Variants in ABCA9 observed in about 807,000 individuals in gnomAD.
ABCA9 encodes ATP-binding cassette sub-family A member 9.
In ABCA9, 183 loss-of-function variants were observed where a neutral mutation model predicts 205.3. The ratio of observed to expected loss-of-function variants is 0.89; its 90% confidence interval spans 0.79 to 1.01. The LOEUF is 1.01. Ranked by LOEUF, ABCA9 falls within the 50% of genes least tolerant of loss-of-function variation. The pLI, the probability that ABCA9 is intolerant of heterozygous loss-of-function variation, is 0.00. For missense variants in ABCA9, 1,805 were observed against 1,912.4 expected, an observed-to-expected ratio of 0.94 and a Z score of 1.05; for synonymous variants, 651 against 683.3, an observed-to-expected ratio of 0.95 and a Z score of 0.74.
rs747927319 is a variant in ABCA9 at position 69,032,296 on chromosome 17, T to C, written c.1277-20A>G. 1.7e-5 allele frequency: 27 copies of C among 1,608,316 alleles called. No homozygotes were observed. The highest frequency in any genetic ancestry group is 2.2e-5 in the South Asian group (2 of 89,822). The stretch of plus-strand genomic sequence containing the variant: ...ATTCAGCTATGTGAGCAGGAGGCAA[T>C]TGAATACTGGGTCAGTCATCGCTTC... On this transcript the variant is annotated intron_variant, in intron 9 of 38. Coordinates refer to ENST00000340001, the MANE Select transcript of ABCA9 (RefSeq NM_080283.4).
upstream of ABCA9, among the ~76,000 whole-genome samples, chr17:69,061,437 C>T (rs912017657): frequency 2.0e-5 from 3 of 152,146 alleles, no homozygotes; most frequent in African/African-American, 4.8e-5. Flanking sequence ...TCCAGAAATA[C>T]GGCAATAAAG....
Position 69,007,768 on chromosome 17 carries a change from G to T in ABCA9, c.3426C>A (p.Phe1142Leu), listed in dbSNP as rs749758994. The T allele has an allele frequency of 5.7e-6, 9 of 1,582,118 alleles. No individual in the cohort carries two copies. The highest frequency in any genetic ancestry group is 6.9e-6 in the Non-Finnish European group (8 of 1,152,218). Residue 1142 changes from phenylalanine (F) to leucine (L), a missense_variant, in exon 25 of 39, where the codon TTC (phenylalanine) becomes TTA (leucine). Phe to Leu is a conservative substitution (Grantham distance 22, BLOSUM62 0). Transcript: ENST00000340001. Reference sequence around the variant, plus strand: ...GTATATGCATACTCACAATTAAGAAGAAAAATGACCAAATGCCACTATTTT... The same window carrying T: ...GTATATGCATACTCACAATTAAGAATAAAAATGACCAAATGCCACTATTTT... ...GRKNSGIWSF[F>L]FLIVVIFSIV...
Position 69,026,976 on chromosome 17 carries a change from C to T in ABCA9, c.2050G>A (p.Asp684Asn), listed in dbSNP as rs1347619345. 4 of 1,613,654 alleles carry T rather than the reference C, an allele frequency of 2.5e-6. No homozygotes were observed. Among genetic ancestry groups the T allele is most frequent in the Non-Finnish European group, 3.4e-6 (4 of 1,179,828 alleles). Residue 684 changes from aspartate to asparagine, a missense_variant and splice_region_variant, in exon 15 of 39, where the codon GAC becomes AAC. Coordinates refer to ENST00000340001, the MANE Select transcript of ABCA9 (RefSeq NM_080283.4). ...QFIDEADILA[D>N]RKVFISNGKL... ...ATACATAAGAGAAACAAAAAATTAC[C>T]CGCCAGAATGTCAGCCTCATCTATA...
chr17:68,990,307 A>G (rs1198765545), intron 29 of ABCA9, among the ~76,000 whole-genome samples: 1 of 152,214 alleles, frequency 6.6e-6, no homozygotes, highest in Non-Finnish European at 1.5e-5. Flanking sequence ...AAGTTTTGTA[A>G]TGTTTAGCTG....
chr17:69,030,845 G>A (rs1221982038), intron 10 of ABCA9, among the ~76,000 whole-genome samples: 2 of 152,038 alleles, frequency 1.3e-5, no homozygotes, highest in African/African-American at 4.8e-5. Context: ...TACTGTGGTT[G>A]GTATAATAAT....
intron 5 of ABCA9, 65 bp from the exon 6 acceptor site, chr17:69,043,780 C>T: frequency 5.3e-6 from 7 of 1,328,024 alleles, no homozygotes; most frequent in Non-Finnish European, 7.3e-6. Context: ...GGCTTTTTCT[C>T]TAAATTATAA....
intron 34 of ABCA9, among the ~76,000 whole-genome samples, chr17:68,984,535 T>C (rs973766382): frequency 2.6e-5 from 4 of 152,286 alleles, no homozygotes; most frequent in Admixed American, 1.3e-4. Context: ...AAAAATAATT[T>C]TAAAATATAT....
rs2071945957 is a variant in ABCA9 at position 69,052,676 on chromosome 17, T to A, written c.-13-1537A>T. Among the ~76,000 whole-genome samples the A allele has an allele frequency of 2.0e-5, 3 of 152,184 alleles. No homozygotes were observed. The South Asian group carries it at 6.2e-4, about 31-fold the overall frequency. ...CTCTGTGGACACCAACTGGGTGACCTAAAATTCAATTCACTTCAATTCTGA... is the reference window on the plus strand; with the variant it reads ...CTCTGTGGACACCAACTGGGTGACCAAAAATTCAATTCACTTCAATTCTGA... On this transcript the variant is annotated intron_variant, in intron 1 of 38. Coordinates refer to ENST00000340001, the MANE Select transcript of ABCA9 (RefSeq NM_080283.4).
Position 68,986,185 on chromosome 17 carries a change from T to C in ABCA9, c.4187A>G (p.Asp1396Gly). 1 of 1,611,684 alleles carries C rather than the reference T, an allele frequency of 6.2e-7. No individual in the cohort carries two copies. The change falls in exon 32 of 39, where the codon GAC (aspartate) becomes GGC (glycine). Residue 1396 changes from aspartate to glycine, a missense_variant. By Grantham distance (94) the Asp-to-Gly change is moderately conservative (BLOSUM62 -1). Coordinates refer to ENST00000340001, the MANE Select transcript of ABCA9 (RefSeq NM_080283.4). ...GTACCGTGTGATGGCGATCATTGCGTCCCCTTTCCTGAGACCTTTCACGGC... is the reference window on the plus strand; with the variant it reads ...GTACCGTGTGATGGCGATCATTGCGCCCCCTTTCCTGAGACCTTTCACGGC... ...YAAVKGLRKGDAMIAITRLVD... is the reference protein window; with the variant it reads ...YAAVKGLRKGGAMIAITRLVD...
In ABCA9 at chr17:69,024,288, T is replaced by A. The variant is rs371878245; in HGVS notation, c.2207A>T (p.Asp736Val). The A allele has an allele frequency of 2.0e-5, 32 of 1,613,234 alleles. No homozygotes were observed. The highest frequency in any genetic ancestry group is 5.1e-6 in the Non-Finnish European group (6 of 1,179,556). Reference sequence around the variant, plus strand: ...TTCACTTTGTGCTGTCAATTTGGCATCAGAGATGTGCTGCTTAACCAGTGA... The same window carrying A: ...TTCACTTTGTGCTGTCAATTTGGCAACAGAGATGTGCTGCTTAACCAGTGA... ...ITSLVKQHIS[D>V]AKLTAQSEEK... The change falls in exon 17 of 39, where the codon GAT becomes GTT. Residue 736 changes from aspartate to valine, a missense_variant. Transcript: ENST00000340001.
intron 37 of ABCA9, among the ~76,000 whole-genome samples, chr17:68,977,857 TC>T (rs2143913541): frequency 6.6e-6 from 1 of 152,302 alleles, no homozygotes; most frequent in African/African-American, 2.4e-5. Flanking sequence ...ACTTTGTTTT[TC>T]CCCCTAAATG....
intron 25 of ABCA9, among the ~76,000 whole-genome samples, chr17:69,005,837 T>A (rs902824415): frequency 6.6e-6 from 1 of 152,254 alleles, no homozygotes; most frequent in African/African-American, 2.4e-5. Context: ...TGATGTATTT[T>A]GCTGTTGTGT....
rs771149183 is a variant in ABCA9, at chr17:69,017,780, A to G, written c.2777T>C (p.Ile926Thr). 6 of 1,612,974 alleles carry G rather than the reference A, an allele frequency of 3.7e-6. No individual in the cohort carries two copies. The Admixed American group carries it at 5.0e-5, about 13-fold the overall frequency. ...LLVINKTGST[I>T]DNFLHSLRRQ... ...CCTCAGTGAATGTAAAAAGTTATCA[A>G]TGGTTGACCCTACATGAAGGCAAAG... Residue 926 changes from isoleucine to threonine, a missense_variant, in exon 21 of 39, where the codon ATT (isoleucine) becomes ACT (threonine). Physicochemically the swap from Ile to Thr is moderately conservative, Grantham distance 89. Transcript: ENST00000340001.
chr17:68,982,525 G>A, intron 37 of ABCA9, 37 bp downstream of exon 37: 1 of 1,506,656 alleles, frequency 6.6e-7, no homozygotes, highest in Non-Finnish European at 9.2e-7. Flanking sequence ...AGGCTTATCT[G>A]TTTCCCAGAG....
At chr17:69,017,529 C>T (rs986103585) in intron 21 of ABCA9, 127 bp downstream of exon 21, 16 of 1,006,380 alleles carry the variant, frequency 1.6e-5, no homozygotes, top group Non-Finnish European at 2.2e-5. Flanking sequence ...CCAGCTTCTT[C>T]TATAAAAATG....
the ABCA9 span, among the ~76,000 whole-genome samples, chr17:69,072,282 G>T: frequency 1.3e-5 from 2 of 152,046 alleles, no homozygotes; most frequent in Non-Finnish European, 2.9e-5. Context: ...GCAACCCCAA[G>T]ACACATAATC....
intron 32 of ABCA9, 80 bp from the exon 33 acceptor site, chr17:68,985,208 G>A (rs764223398): frequency 1.3e-5 from 21 of 1,577,634 alleles, no homozygotes; most frequent in Middle Eastern, 1.7e-4. Context: ...GGAGAAACAC[G>A]ACGGTGGGGG....
At chr17:69,020,305 A>G (rs746174845) in intron 19 of ABCA9, 83 bp downstream of exon 19, 15 of 1,315,452 alleles carry the variant, frequency 1.1e-5, no homozygotes, top group Non-Finnish European at 1.5e-5. Flanking sequence ...AATTTATTTT[A>G]TCTGAGTTTC....
intron 4 of ABCA9, 94 bp downstream of exon 4, chr17:69,045,078 A>G: frequency 1.0e-6 from 1 of 966,480 alleles, no homozygotes; most frequent in Non-Finnish European, 1.5e-6. Context: ...GTGGTTGTAT[A>G]TGTTTGTGTA....
Sources: gnomAD v4.1 joint callset for allele counts (sites outside exome capture counted in the v4.1 genomes callset) on GRCh38, gnomAD v4.1.1 for gene constraint, MANE v1.5 for transcripts, NCBI Gene and HGNC (gene_info 2026-07-23, HGNC 2026-07-21) for gene names.